ANO5: variants seen among roughly 807,000 people sequenced by gnomAD.
The protein encoded by ANO5 is anoctamin 5.
ANO5 carries 109 observed loss-of-function variants against 121.0 expected under a neutral mutation model. That is an observed-to-expected ratio of 0.90 (90% CI 0.77 to 1.06). The LOEUF is 1.06. ANO5 is among the 50% of genes least tolerant of loss of function. The pLI is 0.00. For missense variants in ANO5, 1,064 were observed against 1,078.5 expected (o/e 0.99, Z 0.19); for synonymous variants, 406 against 359.9 (o/e 1.13, Z -1.45).
At chr11:22,273,112 C>T in intron 19 of ANO5, 123 bp downstream of exon 19, 1 of 1,079,072 alleles carries the variant, frequency 9.3e-7, no homozygotes. Context: ...CTAAAACATT[C>T]CGAAATTGTT....
chr11:22,273,020 T>C, intron 19 of ANO5, 31 bp downstream of exon 19: 2 of 1,592,220 alleles, frequency 1.3e-6, no homozygotes, highest in Non-Finnish European at 1.7e-6. Flanking sequence ...GGGGTGACTT[T>C]GTATTTCATT....
intron 19 of ANO5, 32 bp downstream of exon 19, chr11:22,273,021 G>C (rs1005578345): frequency 6.3e-7 from 1 of 1,591,500 alleles, no homozygotes. Flanking sequence ...GGGTGACTTT[G>C]TATTTCATTT....
chr11:22,215,180 T>C (rs568528291), intron 3 of ANO5, among the ~76,000 whole-genome samples: 4 of 152,058 alleles, frequency 2.6e-5, no homozygotes, highest in South Asian at 4.1e-4. Context: ...ACGACAGATA[T>C]GCAATTAACA....
chr11:22,235,154 G>T (rs1209270749), intron 7 of ANO5, among the ~76,000 whole-genome samples: 4 of 150,838 alleles, frequency 2.7e-5, no homozygotes, highest in Non-Finnish European at 5.9e-5. Context: ...CTAAATTCAG[G>T]TTTTTTTTTA....
chr11:22,264,288 G>A (rs1854289832), intron 17 of ANO5, among the ~76,000 whole-genome samples: 1 of 151,918 alleles, frequency 6.6e-6, no homozygotes, highest in Admixed American at 6.6e-5. Flanking sequence ...GCCTCCCAAA[G>A]TGCTGGGATT....
At chr11:22,253,584 G>A (rs760920368) in intron 12 of ANO5, among the ~76,000 whole-genome samples, 4 of 152,102 alleles carry the variant, frequency 2.6e-5, no homozygotes, top group Non-Finnish European at 4.4e-5. Flanking sequence ...TCATGAAACT[G>A]TTCTCCCTGC....
intron 12 of ANO5, among the ~76,000 whole-genome samples, chr11:22,252,273 T>C (rs1203710038): frequency 4.6e-5 from 7 of 152,232 alleles, no homozygotes; most frequent in Middle Eastern, 3.4e-3. Context: ...ACATCCATTT[T>C]TCATGAGGCT....
intron 19 of ANO5, among the ~76,000 whole-genome samples, chr11:22,274,340 ACT>A (rs1371020414): frequency 6.6e-6 from 1 of 151,996 alleles, no homozygotes; most frequent in Non-Finnish European, 1.5e-5. Flanking sequence ...TTTCGGTCTG[ACT>A]CTCTACTTAG....
Position 22,193,099 on chromosome 11 carries a change from C to G in ANO5, c.-394C>G. 1 of 1,097,646 alleles carries G rather than the reference C, an allele frequency of 9.1e-7. No homozygotes were observed. Among genetic ancestry groups the G allele is most frequent in the Non-Finnish European group, 1.1e-6 (1 of 895,742 alleles). The allele number at this position is 1,097,646 out of a possible 1,614,324, so 68.0% of individuals were successfully genotyped here. Reference sequence around the variant, plus strand: ...AGGGCAGGAGTGGAAAGGATCCTGGCGAGCACCGGGAGGAGTGGCGGCTGC... The same window carrying G: ...AGGGCAGGAGTGGAAAGGATCCTGGGGAGCACCGGGAGGAGTGGCGGCTGC... On this transcript the variant is annotated 5_prime_UTR_variant, in exon 1 of 22. Coordinates refer to ENST00000324559, the MANE Select transcript of ANO5 (RefSeq NM_213599.3).
In ANO5 at chr11:22,195,233, G is replaced by T. The variant is rs2133481358; in HGVS notation, c.40+1701G>T. On this transcript the variant is annotated intron_variant, in intron 1 of 21. Coordinates refer to ENST00000324559, the MANE Select transcript of ANO5 (RefSeq NM_213599.3). ...CTTATTAGTTATTCACGTTTTTGGA[G>T]AAGTGTCTATTCAGATCATTTGCCT... is the stretch of plus-strand genomic sequence containing the variant. Among the ~76,000 whole-genome samples, 2 of 152,252 alleles carry T rather than the reference G, an allele frequency of 1.3e-5. 1 individual carries two copies. Among genetic ancestry groups the T allele is most frequent in the Middle Eastern group, 6.8e-3 (2 of 294 alleles).
intron 3 of ANO5, among the ~76,000 whole-genome samples, chr11:22,217,622 C>T: frequency 6.6e-6 from 1 of 151,212 alleles, no homozygotes; most frequent in Non-Finnish European, 1.5e-5. Flanking sequence ...TAATTACATC[C>T]TTTGCAGGGA....
chr11:22,201,036 G>C (rs1487595489), intron 1 of ANO5, among the ~76,000 whole-genome samples: 1 of 152,112 alleles, frequency 6.6e-6, no homozygotes, highest in East Asian at 1.9e-4. Context: ...TATAACCTAT[G>C]CACATCCTTG....
intron 17 of ANO5, among the ~76,000 whole-genome samples, chr11:22,269,299 GAAGA>G (rs1392588998): frequency 1.5e-5 from 1 of 66,074 alleles, no homozygotes; most frequent in Non-Finnish European, 2.9e-5. Context: ...AAGAAGGAAA[GAAGA>G]AAGGAAGGAA....
At chr11:22,205,134 G>A (rs1852075344) in intron 2 of ANO5, among the ~76,000 whole-genome samples, 2 of 152,096 alleles carry the variant, frequency 1.3e-5, no homozygotes, top group South Asian at 4.1e-4. Flanking sequence ...CTTATAAGTT[G>A]GAGATAAATT....
In ANO5 at chr11:22,259,695, C is replaced by A. The variant is rs779894312; in HGVS notation, c.1584C>A (p.Ile528=). The change falls in exon 15 of 22, where the codon ATC becomes ATA. Residue 528 remains isoleucine, a synonymous_variant. Transcript: ENST00000324559. ...GSCLNFIVIL[I]LNFFYEKISA... The stretch of plus-strand genomic sequence containing the variant: ...GCTTGAACTTTATTGTCATCTTGAT[C>A]TTGAATTTCTTTTATGAAAAGATAT... 12 of 1,613,996 alleles carry A rather than the reference C, an allele frequency of 7.4e-6. No homozygotes were observed. The South Asian group carries it at 1.3e-4, about 18-fold the overall frequency.
At chr11:22,230,032 T>C (rs896706835) in intron 7 of ANO5, among the ~76,000 whole-genome samples, 4 of 151,988 alleles carry the variant, frequency 2.6e-5, no homozygotes, top group African/African-American at 9.7e-5. Context: ...AAATAATATA[T>C]AACCCATATA....
chr11:22,250,504 A>C, intron 10 of ANO5, 133 bp downstream of exon 10: 1 of 1,307,140 alleles, frequency 7.7e-7, no homozygotes, highest in Non-Finnish European at 1.1e-6. Flanking sequence ...TTTTCCAAAA[A>C]CTACTCAAAC....
chr11:22,217,745 C>T (rs1852495797), intron 3 of ANO5, among the ~76,000 whole-genome samples: 1 of 149,594 alleles, frequency 6.7e-6, no homozygotes, highest in Non-Finnish European at 1.5e-5. Flanking sequence ...CACATGGACT[C>T]ATAGAAGGAA....
rs143331003 is a variant in ANO5 at position 22,227,463 on chromosome 11, C to G, written c.525C>G (p.Leu175=). The change falls in exon 7 of 22, where the codon CTC becomes CTG. Residue 175 remains leucine, a synonymous_variant. Transcript: ENST00000324559. ...GCTATGTGCTTGGACCTGTAAGACT[C>G]CCACTGAGTGTGAAGTATCCCCATC... ...PISYVLGPVR[L]PLSVKYPHPE... The G allele has an allele frequency of 1.7e-4, 281 of 1,613,420 alleles. No homozygotes were observed. The highest frequency in any genetic ancestry group is 2.2e-4 in the Non-Finnish European group (258 of 1,179,778).
Sources: allele counts gnomAD v4.1 joint callset (sites outside exome capture counted in the v4.1 genomes callset), GRCh38; gene constraint gnomAD v4.1.1; transcripts MANE v1.5; gene names NCBI Gene and HGNC (gene_info 2026-07-23, HGNC 2026-07-21).